Variants in EPHB1 observed in about 807,000 individuals in gnomAD.
The protein encoded by EPHB1 is ephrin type-B receptor 1.
A neutral mutation model predicts 94.4 loss-of-function variants in EPHB1; 30 were observed. The ratio of observed to expected loss-of-function variants is 0.32; its 90% CI spans 0.24 to 0.43. The LOEUF (loss-of-function observed/expected upper bound fraction) is 0.43. Among genes scored for constraint, EPHB1 ranks in the 20% least tolerant of loss-of-function variants. The pLI is 1.00. For synonymous variants in EPHB1, 522 were observed against 489.1 expected, an observed-to-expected ratio of 1.07 and a Z score of -0.89; for missense variants, 1,055 against 1,308.3, an observed-to-expected ratio of 0.81 and a Z score of 2.99.
chr3:134,851,140 G>A (rs1560262558), intron 1 of EPHB1, among the ~76,000 whole-genome samples: 1 of 152,252 alleles, frequency 6.6e-6, no homozygotes, highest in Admixed American at 6.5e-5. Context: ...AAGAAAGGCT[G>A]GAGTTCTCAG....
intron 12 of EPHB1, among the ~76,000 whole-genome samples, chr3:135,207,532 A>G (rs1470272888): frequency 6.6e-6 from 1 of 152,220 alleles, no homozygotes; most frequent in Non-Finnish European, 1.5e-5. Context: ...CACATGCCCA[A>G]ATGAGTGCAT....
intron 1 of EPHB1, among the ~76,000 whole-genome samples, chr3:134,828,396 A>T (rs1160063655): frequency 6.6e-6 from 1 of 152,236 alleles, no homozygotes; most frequent in Non-Finnish European, 1.5e-5. Flanking sequence ...TTTTAGGCTG[A>T]GAGACTGTCC....
intron 4 of EPHB1, among the ~76,000 whole-genome samples, chr3:135,126,583 A>G (rs553890606): frequency 6.6e-6 from 1 of 152,270 alleles, no homozygotes; most frequent in African/African-American, 2.4e-5. Flanking sequence ...GCTCAAGGCT[A>G]AGGTTCTGCC....
At chr3:135,037,086 C>T (rs1274729372) in intron 3 of EPHB1, among the ~76,000 whole-genome samples, 1 of 152,032 alleles carries the variant, frequency 6.6e-6, no homozygotes, top group Non-Finnish European at 1.5e-5. Flanking sequence ...ATATCGCCAC[C>T]CTCATCCCAG....
chr3:134,986,817 C>G (rs1412870384), intron 3 of EPHB1, among the ~76,000 whole-genome samples: 1 of 151,290 alleles, frequency 6.6e-6, no homozygotes, highest in Non-Finnish European at 1.5e-5. Flanking sequence ...AGCTTAACAC[C>G]AACAAAAAAT....
At chr3:135,243,463 T>A (rs947637163) in intron 13 of EPHB1, among the ~76,000 whole-genome samples, 16 of 152,162 alleles carry the variant, frequency 1.1e-4, no homozygotes, top group Admixed American at 9.2e-4. Context: ...AATAAGAACA[T>A]CTGTAGAGTA....
At chr3:135,255,591 A>T (rs2107734759) in intron 15 of EPHB1, among the ~76,000 whole-genome samples, 1 of 148,552 alleles carries the variant, frequency 6.7e-6, no homozygotes, top group African/African-American at 2.5e-5. Context: ...ATAGTTTGTT[A>T]TAATTTCTGT....
intron 1 of EPHB1, among the ~76,000 whole-genome samples, chr3:134,914,265 TGGA>T (rs2038517747): frequency 6.6e-6 from 1 of 152,122 alleles, no homozygotes; most frequent in African/African-American, 2.4e-5. Context: ...GGACAAAACG[TGGA>T]AACATAACAA....
intron 9 of EPHB1, among the ~76,000 whole-genome samples, chr3:135,178,773 C>G (rs1466453936): frequency 6.6e-6 from 1 of 152,056 alleles, no homozygotes; most frequent in Admixed American, 6.6e-5. Flanking sequence ...AGCAGTGTGG[C>G]TTTTTTAGGC....
chr3:134,959,966 CTTTTTTTTTTTTTTTTTTTTTTTTTTTTT>C (rs61369813), intron 3 of EPHB1, among the ~76,000 whole-genome samples: 47 of 107,412 alleles, frequency 4.4e-4, no homozygotes, highest in Non-Finnish European at 6.5e-4. Context: ...ACATCTGCAC[CTTTTTTTTTTTTTTTTTTTTTTTTTTTTT>C]TTTTTTTTTT....
intron 12 of EPHB1, among the ~76,000 whole-genome samples, chr3:135,232,611 T>C (rs1358352373): frequency 6.9e-5 from 6 of 86,632 alleles, no homozygotes; most frequent in Non-Finnish European, 1.9e-4. Flanking sequence ...GAGGCCAATT[T>C]GCTGCTTTTT....
At chr3:135,155,433 A>G (rs1400049546) in intron 6 of EPHB1, among the ~76,000 whole-genome samples, 3 of 152,122 alleles carry the variant, frequency 2.0e-5, no homozygotes, top group East Asian at 1.9e-4. Context: ...GGAAACCAGC[A>G]TGACTGGAGT....
At chr3:134,891,768 G>C (rs1304165071) in intron 1 of EPHB1, among the ~76,000 whole-genome samples, 1 of 152,250 alleles carries the variant, frequency 6.6e-6, no homozygotes. Flanking sequence ...CCAAAGGTCT[G>C]TTTGAGGGTT....
At position 135,221,311 on chromosome 3, in the gene EPHB1, A is replaced by G. The variant is rs187056264; in HGVS notation, c.2346+19622A>G. 6.5e-3 allele frequency among the ~76,000 whole-genome samples: 983 copies of G among 152,314 alleles called. 5 individuals carry two copies. Among genetic ancestry groups the G allele is most frequent in the Non-Finnish European group, 0.01 (709 of 68,030 alleles). ...TAATGATTATTTACCTTACTATTCT[A>G]TACTAGTTCTCTGTACTAGAAAATT... On this transcript the variant is annotated intron_variant, in intron 12 of 15. Transcript: ENST00000398015.
intron 1 of EPHB1, among the ~76,000 whole-genome samples, chr3:134,889,183 C>T (rs2037917382): frequency 6.6e-6 from 1 of 152,130 alleles, no homozygotes; most frequent in Non-Finnish European, 1.5e-5. Flanking sequence ...GTAGTGAAGA[C>T]ACTTTTGGGT....
At chr3:135,076,822 A>C (rs1937943351) in intron 3 of EPHB1, among the ~76,000 whole-genome samples, 1 of 152,244 alleles carries the variant, frequency 6.6e-6, no homozygotes. Flanking sequence ...ACATTGTGCT[A>C]AGTTATTGAA....
intron 3 of EPHB1, among the ~76,000 whole-genome samples, chr3:135,096,825 C>T (rs1030778155): frequency 6.6e-6 from 1 of 152,208 alleles, no homozygotes; most frequent in Non-Finnish European, 1.5e-5. Context: ...GGGCCAGGCA[C>T]AATGGCTCAT....
chr3:134,970,032 C>T (rs1200230968), intron 3 of EPHB1, among the ~76,000 whole-genome samples: 3 of 152,190 alleles, frequency 2.0e-5, no homozygotes, highest in Admixed American at 6.5e-5. Flanking sequence ...ATGTGATTTG[C>T]AAATATTTTC....
chr3:135,119,178 T>C (rs1939841730), intron 4 of EPHB1, among the ~76,000 whole-genome samples: 1 of 152,242 alleles, frequency 6.6e-6, no homozygotes, highest in African/African-American at 2.4e-5. Context: ...ATTGTCTGTT[T>C]ATAACCCTTG....
Sources: gnomAD v4.1 joint callset for allele counts (sites outside exome capture counted in the v4.1 genomes callset) on GRCh38, gnomAD v4.1.1 for gene constraint, MANE v1.5 for transcripts, NCBI Gene and HGNC (gene_info 2026-07-23, HGNC 2026-07-21) for gene names.